Variants in PLPPR5 observed in about 807,000 individuals in gnomAD.
PLPPR5 encodes the protein phospholipid phosphatase related 5, also known as phospholipid phosphatase-related protein type 5.
In PLPPR5, 16 loss-of-function variants were observed where a neutral mutation model predicts 33.9. That is an observed-to-expected ratio of 0.47 (90% confidence interval 0.32 to 0.72). The LOEUF (loss-of-function observed/expected upper bound fraction) is 0.72, where lower values mean the gene tolerates loss of function less well. PLPPR5 is among the 30% of genes least tolerant of loss of function. The pLI, the probability that PLPPR5 is intolerant of heterozygous loss-of-function variation, is 0.03. For missense variants in PLPPR5, 301 were observed against 406.7 expected, an observed-to-expected ratio of 0.74 and a Z score of 2.23; for synonymous variants, 163 against 150.3, an observed-to-expected ratio of 1.08 and a Z score of -0.62.
At chr1:98,923,183 C>T (rs961456960) in intron 3 of PLPPR5, among the ~76,000 whole-genome samples, 5 of 152,146 alleles carry the variant, frequency 3.3e-5, no homozygotes, top group Admixed American at 6.5e-5. Context: ...CTTCCCCCAT[C>T]TAATGTATTC....
intron 1 of PLPPR5, among the ~76,000 whole-genome samples, chr1:98,970,044 A>T (rs1651605737): frequency 6.6e-6 from 1 of 152,042 alleles, no homozygotes; most frequent in Non-Finnish European, 1.5e-5. Flanking sequence ...CTTGGCTTTC[A>T]TCTCTCCCAT....
At chr1:98,913,697 C>T (rs939605382) in intron 5 of PLPPR5, among the ~76,000 whole-genome samples, 1 of 152,172 alleles carries the variant, frequency 6.6e-6, no homozygotes, top group African/African-American at 2.4e-5. Context: ...ACAATCAGAA[C>T]ACCTGATTAG....
At chr1:98,913,252 T>C (rs80134928) in intron 5 of PLPPR5, among the ~76,000 whole-genome samples, 2,689 of 152,298 alleles carry the variant, frequency 0.018, 86 homozygotes, top group African/African-American at 0.061. Flanking sequence ...GTTGAGTACA[T>C]CCCAAAAACA....
In PLPPR5 at chr1:98,890,655, A is replaced by C. The variant is rs928971122; in HGVS notation, c.*2417T>G. On this transcript the variant is annotated 3_prime_UTR_variant, in exon 6 of 6. Transcript: ENST00000263177. ...CTAGACTACATATGTACATATTTACATGGTAATATTTTCTGAAATATGATT... is the reference window on the plus strand; with the variant it reads ...CTAGACTACATATGTACATATTTACCTGGTAATATTTTCTGAAATATGATT... The C allele has an allele frequency of 6.6e-5, 10 of 152,544 alleles. No homozygotes were observed. The allele number at this position is 152,544 out of a possible 1,614,324, so 9.4% of individuals were successfully genotyped here.
At chr1:98,919,413 G>A (rs1402250489) in intron 4 of PLPPR5, among the ~76,000 whole-genome samples, 1 of 152,060 alleles carries the variant, frequency 6.6e-6, no homozygotes, top group Non-Finnish European at 1.5e-5. Flanking sequence ...TTTTATTTTG[G>A]AATCACTTTA....
At chr1:98,939,753 G>A (rs775253600) in intron 3 of PLPPR5, among the ~76,000 whole-genome samples, 11 of 151,904 alleles carry the variant, frequency 7.2e-5, no homozygotes, top group South Asian at 4.2e-4. Flanking sequence ...AGTCACAGCC[G>A]TGTGTATCCT....
At chr1:98,998,889 T>C (rs1652727154) in intron 1 of PLPPR5, among the ~76,000 whole-genome samples, 1 of 152,176 alleles carries the variant, frequency 6.6e-6, no homozygotes, top group Admixed American at 6.5e-5. Flanking sequence ...GAAAGTACTA[T>C]CCTGGGGAGT....
At chr1:98,959,135 C>G (rs984399389) in intron 1 of PLPPR5, among the ~76,000 whole-genome samples, 1 of 152,192 alleles carries the variant, frequency 6.6e-6, no homozygotes, top group Admixed American at 6.5e-5. Flanking sequence ...CTGGCTTGTT[C>G]CTATGATGAA....
rs1553168492 is a variant in PLPPR5, at chr1:98,939,269, CTGAA to C, written c.621+13797_621+13800del. On this transcript the variant is annotated intron_variant, in intron 3 of 5. Coordinates refer to ENST00000263177, the MANE Select transcript of PLPPR5 (RefSeq NM_001037317.2). ...AATGATTATTATCACATAGTTATTA[CTGAA>C]AATAATTTTTCCATATAGAGGAAGG... Among the ~76,000 whole-genome samples, 194 of 151,498 alleles carry C rather than the reference CTGAA, an allele frequency of 1.3e-3. 3 individuals carry two copies. The highest frequency in any genetic ancestry group is 2.0e-3 in the Admixed American group (30 of 15,234).
chr1:98,900,242 T>G (rs2101134845), intron 5 of PLPPR5, among the ~76,000 whole-genome samples: 1 of 152,306 alleles, frequency 6.6e-6, no homozygotes, highest in Non-Finnish European at 1.5e-5. Context: ...CTCAAGTTTC[T>G]TGCCCTCGTG....
intron 1 of PLPPR5, among the ~76,000 whole-genome samples, chr1:98,996,673 A>G (rs979128270): frequency 2.0e-5 from 3 of 152,082 alleles, no homozygotes; most frequent in Admixed American, 2.0e-4. Flanking sequence ...TACCTTCTCA[A>G]CCTGTATAAA....
intron 5 of PLPPR5, among the ~76,000 whole-genome samples, chr1:98,904,888 T>C (rs992883958): frequency 2.6e-5 from 4 of 152,206 alleles, no homozygotes; most frequent in African/African-American, 9.6e-5. Flanking sequence ...AGTGACACTC[T>C]GGCTGGGAGC....
chr1:98,992,739 T>G (rs1395936989), intron 1 of PLPPR5, among the ~76,000 whole-genome samples: 1 of 152,168 alleles, frequency 6.6e-6, no homozygotes, highest in African/African-American at 2.4e-5. Flanking sequence ...TAAAATCTTT[T>G]GGGACAACAG....
intron 1 of PLPPR5, among the ~76,000 whole-genome samples, chr1:98,995,799 T>C (rs1317052233): frequency 6.6e-6 from 1 of 152,176 alleles, no homozygotes; most frequent in African/African-American, 2.4e-5. Flanking sequence ...AATAAGTTGT[T>C]ATTAAATAAC....
At chr1:98,993,414 A>G (rs1257195715) in intron 1 of PLPPR5, among the ~76,000 whole-genome samples, 1 of 152,080 alleles carries the variant, frequency 6.6e-6, no homozygotes, top group Admixed American at 6.6e-5. Flanking sequence ...GGGAACCCCA[A>G]GTATTCATGT....
At chr1:98,966,837 T>C (rs1219261560) in intron 1 of PLPPR5, among the ~76,000 whole-genome samples, 1 of 152,090 alleles carries the variant, frequency 6.6e-6, no homozygotes, top group African/African-American at 2.4e-5. Context: ...GAAAGATATA[T>C]GTCTATTTTG....
In PLPPR5 at chr1:98,910,061, C is replaced by T. The variant is rs555658756; in HGVS notation, c.933+4725G>A. Among the ~76,000 whole-genome samples the T allele has an allele frequency of 7.9e-5, 12 of 152,284 alleles. No homozygotes were observed. In the South Asian group the frequency reaches 2.5e-3, roughly 32 times the overall value. On this transcript the variant is annotated intron_variant, in intron 5 of 5. Coordinates refer to ENST00000263177, the MANE Select transcript of PLPPR5 (RefSeq NM_001037317.2). ...TGTATGCTATACTATAATTACACTG[C>T]AGCTTACAGTTTATCAAACATGTAC... is the stretch of plus-strand genomic sequence containing the variant.
At chr1:98,971,887 TGACAC>T (rs1411260876) in intron 1 of PLPPR5, among the ~76,000 whole-genome samples, 1 of 152,056 alleles carries the variant, frequency 6.6e-6, no homozygotes, top group Non-Finnish European at 1.5e-5. Flanking sequence ...GTTCTCATGT[TGACAC>T]AGAACAGGCA....
rs549941278 is a variant in PLPPR5 at position 98,892,960 on chromosome 1, A to G, written c.*112T>C. The G allele has an allele frequency of 1.9e-4, 198 of 1,055,554 alleles. 2 individuals carry two copies. The East Asian group carries it at 5.1e-3, about 27-fold the overall frequency. 65.4% of individuals were successfully genotyped at this position (1,055,554 alleles called of 1,614,324 possible). A position where few individuals can be genotyped will look rare whatever the true frequency, so the allele number is the denominator to read the frequency against. ...TGACATTGATTTTAAAATTATAAAAATTATTAAACAACTTTATAAACTTCA... is the reference window on the plus strand; with the variant it reads ...TGACATTGATTTTAAAATTATAAAAGTTATTAAACAACTTTATAAACTTCA... On this transcript the variant is annotated 3_prime_UTR_variant, in exon 6 of 6. Coordinates refer to ENST00000263177, the MANE Select transcript of PLPPR5 (RefSeq NM_001037317.2).
Sources: allele counts gnomAD v4.1 joint callset (sites outside exome capture counted in the v4.1 genomes callset), GRCh38; gene constraint gnomAD v4.1.1; transcripts MANE v1.5; gene names NCBI Gene and HGNC (gene_info 2026-07-23, HGNC 2026-07-21).